CDKN2C: variants seen among roughly 807,000 people sequenced by gnomAD.
CDKN2C encodes cyclin-dependent kinase 4 inhibitor C.
In CDKN2C, 5 loss-of-function variants were observed where a neutral mutation model predicts 11.0. That is an observed-to-expected ratio of 0.45 (90% confidence interval 0.24 to 0.95). The LOEUF is 0.95. Ranked by LOEUF, CDKN2C falls within the 40% of genes least tolerant of loss-of-function variation. The probability of loss-of-function intolerance (pLI) is 0.21; values close to 1 mark genes in which losing one functional copy is unlikely to be tolerated. For missense variants in CDKN2C, 161 were observed against 211.9 expected (o/e 0.76, Z 1.49); for synonymous variants, 79 against 88.3 (o/e 0.89, Z 0.59).
chr1:50,971,812 C>T (rs1645381481), intron 1 of CDKN2C, among the ~76,000 whole-genome samples: 1 of 152,060 alleles, frequency 6.6e-6, no homozygotes, highest in South Asian at 2.1e-4. Context: ...TTTTGACAAA[C>T]ATTTTTAATA....
chr1:50,971,586 T>C (rs1033931839), intron 1 of CDKN2C, among the ~76,000 whole-genome samples: 3 of 152,214 alleles, frequency 2.0e-5, no homozygotes, highest in Non-Finnish European at 2.9e-5. Flanking sequence ...CATTAAGTAA[T>C]GATTTTTTTT....
At chr1:50,966,703 G>T (rs147246902), upstream of CDKN2C, among the ~76,000 whole-genome samples, 32 of 149,424 alleles carry the variant, frequency 2.1e-4, no homozygotes, top group East Asian at 6.1e-3. Flanking sequence ...GGCAGATGAA[G>T]CATATGCTTC....
chr1:50,970,524 C>G (rs2147956631), intron 1 of CDKN2C, 27 bp downstream of exon 1: 1 of 1,613,584 alleles, frequency 6.2e-7, no homozygotes, highest in Non-Finnish European at 8.5e-7. Context: ...GTGGGGAAAA[C>G]AAGTCAATAA....
At chr1:50,969,867 C>T, upstream of CDKN2C, 1 of 208,236 alleles carries the variant, frequency 4.8e-6, no homozygotes, top group Non-Finnish European at 9.9e-6. This position sits in a 1 kb window ranked among gnomAD's most constrained non-coding sequence, Gnocchi z 6.6. Context: ...GCAGTTCTGC[C>T]TCACACGGCT....
upstream of CDKN2C, chr1:50,969,503 C>CTG (rs1645367855): frequency 6.6e-6 from 1 of 152,082 alleles, no homozygotes. This position sits in a 1 kb window ranked among gnomAD's most constrained non-coding sequence, Gnocchi z 6.6. Context: ...GCCGCACGCC[C>CTG]GGCAGCCTCC....
chr1:50,960,975 GA>G (rs1424603125), intron 1 of CDKN2C, among the ~76,000 whole-genome samples: 3 of 152,054 alleles, frequency 2.0e-5, no homozygotes, highest in Admixed American at 6.5e-5. Context: ...TTACAAATGG[GA>G]TAAAACTTGA....
upstream of CDKN2C, chr1:50,969,302 G>A (rs1645366357): frequency 6.5e-6 from 1 of 152,826 alleles, no homozygotes; most frequent in African/African-American, 2.4e-5. The surrounding 1 kb of genome is among the most constrained non-coding windows in gnomAD (Gnocchi z 6.6). Context: ...AGTGCCTACA[G>A]CAGAAAGCCT....
At chr1:50,973,842 C>G in intron 1 of CDKN2C, 51 bp from the exon 2 acceptor site, 1 of 1,592,818 alleles carries the variant, frequency 6.3e-7, no homozygotes, top group African/African-American at 1.3e-5. Context: ...TTTAAAATAT[C>G]TCTGTAGCAT....
intron 1 of CDKN2C, among the ~76,000 whole-genome samples, chr1:50,972,648 A>G (rs189648878): frequency 6.6e-6 from 1 of 152,250 alleles, no homozygotes; most frequent in Admixed American, 6.5e-5. Context: ...TTTTTTCACA[A>G]CTAAATTATA....
upstream of CDKN2C, among the ~76,000 whole-genome samples, chr1:50,966,285 T>C (rs1278365158): frequency 6.6e-6 from 1 of 152,090 alleles, no homozygotes; most frequent in East Asian, 1.9e-4. Flanking sequence ...TCAGGTGATC[T>C]GCCCACCTCA....
At chr1:50,968,812 A>G (rs1221043147), upstream of CDKN2C, 1 of 152,240 alleles carries the variant, frequency 6.6e-6, no homozygotes, top group Non-Finnish European at 1.5e-5. Flanking sequence ...AAGGGAGAAG[A>G]AACCGGCACC....
chr1:50,962,707 G>A (rs1172943700), intron 1 of CDKN2C, among the ~76,000 whole-genome samples: 1 of 152,140 alleles, frequency 6.6e-6, no homozygotes, highest in African/African-American at 2.4e-5. Flanking sequence ...AGAACAATGG[G>A]ATGAACACAC....
rs939219815 is a variant in CDKN2C, at chr1:50,974,381, A to G, written c.*111A>G. 45 of 1,117,588 alleles carry G rather than the reference A, an allele frequency of 4.0e-5. No homozygotes were observed. Among genetic ancestry groups the G allele is most frequent in the African/African-American group, 7.8e-5 (5 of 64,202 alleles). The allele number at this position is 1,117,588 out of a possible 1,614,324, so 69.2% of individuals were successfully genotyped here. The stretch of plus-strand genomic sequence containing the variant: ...CAGTTCTGTCATATGTTAAGCAGCT[A>G]AATTTTCTGAAACTGCATAAGTGAA... On this transcript the variant is annotated 3_prime_UTR_variant, in exon 2 of 2. Coordinates refer to ENST00000371761, the MANE Select transcript of CDKN2C (RefSeq NM_078626.3).
chr1:50,966,144 T>C (rs1645346414), upstream of CDKN2C, among the ~76,000 whole-genome samples: 1 of 148,990 alleles, frequency 6.7e-6, no homozygotes, highest in Non-Finnish European at 1.5e-5. Context: ...GTTCAAGCAA[T>C]CCTCCTGCCT....
upstream of CDKN2C, among the ~76,000 whole-genome samples, chr1:50,966,738 T>TAAA (rs34594257): frequency 7.1e-6 from 1 of 141,672 alleles, no homozygotes. Context: ...ACCAGAATGT[T>TAAA]AAAAAAAAAA....
rs954935650 is a variant in CDKN2C at position 50,974,402 on chromosome 1, G to A, written c.*132G>A. On this transcript the variant is annotated 3_prime_UTR_variant, in exon 2 of 2. Coordinates refer to ENST00000371761, the MANE Select transcript of CDKN2C (RefSeq NM_078626.3). The stretch of plus-strand genomic sequence containing the variant: ...AGCTAAATTTTCTGAAACTGCATAA[G>A]TGAAAATCTTACAACAGGCTTATGA... The A allele has an allele frequency of 1.2e-6, 1 of 863,262 alleles. No homozygotes were observed. The highest frequency in any genetic ancestry group is 1.7e-5 in the African/African-American group (1 of 59,396). The allele number at this position is 863,262 out of a possible 1,614,324, so 53.5% of individuals were successfully genotyped here.
upstream of CDKN2C, chr1:50,970,206 A>G: frequency 1.3e-6 from 1 of 798,754 alleles, no homozygotes; most frequent in South Asian, 1.7e-5. Flanking sequence ...GGCTTTTGGC[A>G]GGCAGATCTT....
chr1:50,970,051 C>T (rs548922334), upstream of CDKN2C: 17 of 460,300 alleles, frequency 3.7e-5, no homozygotes, highest in East Asian at 6.4e-4. Flanking sequence ...CGTCCGGAGT[C>T]ATTAACCAGG....
intron 1 of CDKN2C, among the ~76,000 whole-genome samples, chr1:50,971,062 G>C (rs1470546738): frequency 1.3e-5 from 2 of 152,168 alleles, no homozygotes; most frequent in Non-Finnish European, 2.9e-5. Context: ...ACTCATTCAG[G>C]AGTCGGGAGG....
Sources: gnomAD v4.1 joint callset for allele counts (sites outside exome capture counted in the v4.1 genomes callset) on GRCh38, gnomAD v4.1.1 for gene constraint, Gnocchi (gnomAD v3.1) non-coding constraint, MANE v1.5 for transcripts, NCBI Gene and HGNC (gene_info 2026-07-23, HGNC 2026-07-21) for gene names.